Variants in RXFP2 observed in about 807,000 individuals in gnomAD.
RXFP2 encodes the protein relaxin family peptide receptor 2.
Under a neutral mutation model 88.6 loss-of-function variants are expected in RXFP2, and 68 were observed. That is an observed-to-expected ratio of 0.77 (90% CI 0.63 to 0.94). The LOEUF (loss-of-function observed/expected upper bound fraction) is 0.94, where lower values mean the gene tolerates loss of function less well. RXFP2 is among the 40% of genes least tolerant of loss of function. RXFP2 has a pLI of 0.00. For synonymous variants in RXFP2, 329 were observed against 306.8 expected (o/e 1.07, Z -0.76); for missense variants, 791 against 893.9 (o/e 0.88, Z 1.47).
chr13:31,749,999 T>C (rs1254561779), intron 1 of RXFP2, among the ~76,000 whole-genome samples: 1 of 152,188 alleles, frequency 6.6e-6, no homozygotes, highest in African/African-American at 2.4e-5. Flanking sequence ...CTACACTTAA[T>C]TAAATCAAGT....
intron 5 of RXFP2, among the ~76,000 whole-genome samples, chr13:31,767,844 C>T (rs1593456656): frequency 6.6e-6 from 1 of 152,238 alleles, no homozygotes; most frequent in East Asian, 1.9e-4. Flanking sequence ...TGTCCCACCC[C>T]ATGTAGAATT....
intron 8 of RXFP2, 34 bp downstream of exon 8, chr13:31,777,481 G>T: frequency 2.1e-6 from 3 of 1,435,618 alleles, no homozygotes; most frequent in Non-Finnish European, 2.9e-6. Context: ...TACATCTATC[G>T]ATACATTGCA....
intron 9 of RXFP2, among the ~76,000 whole-genome samples, chr13:31,779,382 C>G (rs893269504): frequency 6.6e-6 from 1 of 151,994 alleles, no homozygotes; most frequent in Non-Finnish European, 1.5e-5. Flanking sequence ...CTCCTCAGTG[C>G]TTATGTCTTC....
intron 11 of RXFP2, among the ~76,000 whole-genome samples, chr13:31,783,650 A>G (rs1873388578): frequency 6.6e-6 from 1 of 152,238 alleles, no homozygotes; most frequent in Non-Finnish European, 1.5e-5. Context: ...AACTGAAAGT[A>G]TGATCATTTT....
intron 8 of RXFP2, among the ~76,000 whole-genome samples, 200 bp from the exon 9 acceptor site, chr13:31,778,312 A>C (rs1421138124): frequency 6.6e-6 from 1 of 152,184 alleles, no homozygotes; most frequent in Non-Finnish European, 1.5e-5. Flanking sequence ...ATACTTATGC[A>C]TTCATAGTTT....
At chr13:31,776,024 C>T (rs1027384364) in intron 7 of RXFP2, among the ~76,000 whole-genome samples, 126 of 152,298 alleles carry the variant, frequency 8.3e-4, no homozygotes, top group African/African-American at 2.8e-3. Flanking sequence ...CATGCTTAGC[C>T]TTCCAGGCAA....
chr13:31,801,514 GA>G (rs1289820467), intron 17 of RXFP2, among the ~76,000 whole-genome samples: 1 of 152,088 alleles, frequency 6.6e-6, no homozygotes, highest in Non-Finnish European at 1.5e-5. Context: ...CAAATGAAAT[GA>G]TGCTCTCAGG....
At position 31,774,709 on chromosome 13, in the gene RXFP2, C is replaced by T. The variant is rs1872866975; in HGVS notation, c.569+18C>T. 1 of 1,275,110 alleles carries T rather than the reference C, an allele frequency of 7.8e-7. No individual in the cohort carries two copies. The highest frequency in any genetic ancestry group is 1.2e-5 in the South Asian group (1 of 84,188). 79.0% of individuals were successfully genotyped at this position (1,275,110 alleles called of 1,614,324 possible). ...CAAATATTGTGAGTAACCTCTTTCTCATATTGTAGGTATAATTTTAAGCAA... is the reference window on the plus strand; with the variant it reads ...CAAATATTGTGAGTAACCTCTTTCTTATATTGTAGGTATAATTTTAAGCAA... On this transcript the variant is annotated intron_variant, in intron 6 of 17. Transcript: ENST00000298386.
intron 3 of RXFP2, among the ~76,000 whole-genome samples, chr13:31,763,822 T>C (rs1036721940): frequency 4.6e-5 from 7 of 152,152 alleles, no homozygotes; most frequent in Admixed American, 3.9e-4. Context: ...TAACCACTAT[T>C]TCAATGGTGG....
At chr13:31,798,870 A>G (rs187391438) in intron 17 of RXFP2, among the ~76,000 whole-genome samples, 9 of 152,224 alleles carry the variant, frequency 5.9e-5, no homozygotes, top group Non-Finnish European at 2.9e-5. Context: ...GGCTCAACCC[A>G]AATACTCCCT....
At chr13:31,799,781 C>G (rs1376937680) in intron 17 of RXFP2, among the ~76,000 whole-genome samples, 1 of 152,134 alleles carries the variant, frequency 6.6e-6, no homozygotes, top group East Asian at 1.9e-4. Flanking sequence ...TAACAAAGGA[C>G]GTCCAGTTCT....
chr13:31,778,582 G>T lies in RXFP2; in HGVS notation c.784G>T (p.Val262Leu). ...TGCCCAAATGCCTCAACTCAACTGG[G>T]TGTGAGTATTTATTTAGGAATTAAT... ...MCAQMPQLNW[V>L]DLEGNRIKYL... The change falls in exon 9 of 18, where the codon GTG becomes TTG. Residue 262 changes from valine (V) to leucine (L), a missense_variant and splice_region_variant. Transcript: ENST00000298386. The T allele has an allele frequency of 1.9e-6, 3 of 1,599,464 alleles. No homozygotes were observed. Among genetic ancestry groups the T allele is most frequent in the Non-Finnish European group, 2.6e-6 (3 of 1,166,892 alleles).
chr13:31,773,466 C>A (rs1023234341), intron 5 of RXFP2, among the ~76,000 whole-genome samples: 4 of 150,470 alleles, frequency 2.7e-5, no homozygotes, highest in African/African-American at 9.8e-5. Flanking sequence ...CTTTCACTTT[C>A]TTTTTTTAAT....
intron 1 of RXFP2, among the ~76,000 whole-genome samples, chr13:31,754,413 C>T (rs1390620830): frequency 6.6e-6 from 1 of 152,104 alleles, no homozygotes; most frequent in Non-Finnish European, 1.5e-5. Flanking sequence ...TGTCTGTAGT[C>T]CCAGCTACTG....
At chr13:31,761,225 G>A (rs1872286472) in intron 2 of RXFP2, among the ~76,000 whole-genome samples, 1 of 152,058 alleles carries the variant, frequency 6.6e-6, no homozygotes, top group Non-Finnish European at 1.5e-5. Flanking sequence ...AAGTGCTGAG[G>A]TTACAGACGA....
At chr13:31,756,570 T>C (rs1181911507) in intron 1 of RXFP2, among the ~76,000 whole-genome samples, 3 of 151,834 alleles carry the variant, frequency 2.0e-5, no homozygotes, top group East Asian at 1.9e-4. Context: ...TGATGACCTA[T>C]AGACATTCCT....
At chr13:31,797,535 T>C in intron 17 of RXFP2, 116 bp downstream of exon 17, 1 of 775,828 alleles carries the variant, frequency 1.3e-6, no homozygotes, top group East Asian at 2.5e-5. Context: ...AATACAAAGT[T>C]ATTTCCCTCC....
At chr13:31,794,385 C>T (rs1295436439) in intron 16 of RXFP2, among the ~76,000 whole-genome samples, 1 of 150,784 alleles carries the variant, frequency 6.6e-6, no homozygotes, top group African/African-American at 2.5e-5. Context: ...CACACACACA[C>T]ACACACACAC....
At chr13:31,740,145 C>T (rs1471834580) in intron 1 of RXFP2, among the ~76,000 whole-genome samples, 2 of 152,108 alleles carry the variant, frequency 1.3e-5, no homozygotes, top group African/African-American at 4.8e-5. Context: ...TCCAAAGCCA[C>T]AGGCAGATCT....
Sources: allele counts gnomAD v4.1 joint callset (sites outside exome capture counted in the v4.1 genomes callset), GRCh38; gene constraint gnomAD v4.1.1; transcripts MANE v1.5; gene names NCBI Gene and HGNC (gene_info 2026-07-23, HGNC 2026-07-21).